C1orf167: variants seen among roughly 807,000 people sequenced by gnomAD.
The protein encoded by C1orf167 is chromosome 1 open reading frame 167, also known as uncharacterized protein C1orf167.
C1orf167 carries 153 observed loss-of-function variants against 176.5 expected under a neutral mutation model. That is an observed-to-expected ratio of 0.87 (90% CI 0.76 to 0.99). C1orf167 has a LOEUF of 0.99. Ranked by LOEUF, C1orf167 falls within the 50% of genes least tolerant of loss-of-function variation. C1orf167 has a pLI of 0.00. For missense variants in C1orf167, 1,490 were observed against 1,817.7 expected, an observed-to-expected ratio of 0.82 and a Z score of 3.28; for synonymous variants, 594 against 752.7, an observed-to-expected ratio of 0.79 and a Z score of 3.45.
intron 1 of C1orf167, among the ~76,000 whole-genome samples, chr1:11,763,442 CAAA>C (rs34701302): frequency 2.4e-4 from 26 of 107,794 alleles, no homozygotes; most frequent in South Asian, 1.6e-3. Flanking sequence ...GACTCCGGCT[CAAA>C]AAAAAAAAAA....
chr1:11,784,272 CCG>C lies in C1orf167; in HGVS notation c.3105_3106del (p.Phe1037CysfsTer60), dbSNP rs1475443285. 6 of 1,303,020 alleles carry C rather than the reference CCG, an allele frequency of 4.6e-6. No homozygotes were observed. Among genetic ancestry groups the C allele is most frequent in the East Asian group, 5.5e-5 (1 of 18,024 alleles). 80.7% of individuals were successfully genotyped at this position (1,303,020 alleles called of 1,614,324 possible). ...GGCCTGAGGAGAAGAGCACTGGGGG[CCG>C]TGTTTGCCACATGGCGGGAAGCCCA... On this transcript the variant is annotated frameshift_variant, in exon 15 of 21. Coordinates refer to ENST00000688073, the MANE Select transcript of C1orf167 (RefSeq NM_001010881.2). LOFTEE classifies it high-confidence loss of function.
At chr1:11,785,009 A>T in intron 15 of C1orf167, 139 bp from the exon 16 acceptor site, 1 of 744,248 alleles carries the variant, frequency 1.3e-6, no homozygotes, top group Non-Finnish European at 1.8e-6. Flanking sequence ...CTCCCTCCAG[A>T]AAAGGGAGTG....
At chr1:11,763,216 A>G (rs10158409) in intron 1 of C1orf167, among the ~76,000 whole-genome samples, 77,977 of 152,072 alleles carry the variant, frequency 0.51, 23,393 homozygotes, top group East Asian at 0.88. Flanking sequence ...GAGGCGGGCC[A>G]ATCACCTGAG....
intron 1 of C1orf167, among the ~76,000 whole-genome samples, chr1:11,763,162 G>A (rs547945194): frequency 6.6e-6 from 1 of 152,324 alleles, no homozygotes; most frequent in South Asian, 2.1e-4. Context: ...TTGCGGGGCT[G>A]GGTGTGGTGG....
At chr1:11,769,457 A>G (rs1208700560) in intron 6 of C1orf167, among the ~76,000 whole-genome samples, 3 of 151,698 alleles carry the variant, frequency 2.0e-5, no homozygotes, top group South Asian at 2.1e-4. Context: ...AGTCCCAGCT[A>G]CTCTAGAGAC....
At chr1:11,789,224 G>A (rs976240166) in intron 20 of C1orf167, 46 bp from the exon 21 acceptor site, 21 of 1,296,646 alleles carry the variant, frequency 1.6e-5, no homozygotes, top group Admixed American at 4.7e-5. Context: ...CACAGACCCC[G>A]GAGAAAGCCC....
Position 11,769,071 on chromosome 1 carries a change from C to T in C1orf167, c.1641C>T (p.Ser547=), listed in dbSNP as rs1450779065. ...GGAGAGCCCAGGGCAAAGGCCTCTC[C>T]TTGGGAAGAAGCACAGTGGTGGACC... ...PSRRAQGKGL[S]LGRSTVVDPA... Residue 547 remains serine (S), a synonymous_variant, in exon 6 of 21, where the codon TCC becomes TCT. Coordinates refer to ENST00000688073, the MANE Select transcript of C1orf167 (RefSeq NM_001010881.2). 1 of 985,794 alleles carries T rather than the reference C, an allele frequency of 1.0e-6. No individual in the cohort carries two copies. The highest frequency in any genetic ancestry group is 1.1e-4 in the East Asian group (1 of 8,810). 61.1% of individuals were successfully genotyped at this position (985,794 alleles called of 1,614,324 possible). A position where few individuals can be genotyped will look rare whatever the true frequency, so the allele number is the denominator to read the frequency against.
At chr1:11,763,840 A>AGGCAGAGCCT (rs1642649791) in intron 1 of C1orf167, among the ~76,000 whole-genome samples, 1 of 152,102 alleles carries the variant, frequency 6.6e-6, no homozygotes, top group Admixed American at 6.6e-5. Flanking sequence ...TGCGTGTGGG[A>AGGCAGAGCCT]GGCAGAGCCT....
chr1:11,764,873 G>C (rs1032604611), intron 2 of C1orf167, among the ~76,000 whole-genome samples: 6 of 152,046 alleles, frequency 3.9e-5, no homozygotes, highest in Non-Finnish European at 7.4e-5. Flanking sequence ...TGGCCAATGT[G>C]GTGAAACTGC....
chr1:11,787,191 G>T (rs1179481382), intron 16 of C1orf167, 197 bp from the exon 17 acceptor site: 1 of 238,658 alleles, frequency 4.2e-6, no homozygotes, highest in Non-Finnish European at 8.7e-6. Flanking sequence ...CCCCTCCCAG[G>T]GCTGTGCTCC....
intron 20 of C1orf167, 169 bp downstream of exon 20, chr1:11,788,915 G>T: frequency 2.2e-6 from 1 of 456,344 alleles, no homozygotes. Context: ...CAGGCTGGAT[G>T]CTGGAGCCCT....
chr1:11,789,094 A>G, intron 20 of C1orf167, 176 bp from the exon 21 acceptor site: 1 of 534,870 alleles, frequency 1.9e-6, no homozygotes, highest in Non-Finnish European at 3.0e-6. Flanking sequence ...CCAGCTCACC[A>G]TCAGATCTAT....
At chr1:11,767,711 A>C (rs972440704) in intron 4 of C1orf167, among the ~76,000 whole-genome samples, 2 of 152,128 alleles carry the variant, frequency 1.3e-5, no homozygotes, top group Non-Finnish European at 2.9e-5. Context: ...CTGTAGTCTC[A>C]GCTACGCAGG....
chr1:11,785,365 C>T (rs1643811527), intron 16 of C1orf167, 76 bp downstream of exon 16: 1 of 1,197,564 alleles, frequency 8.4e-7, no homozygotes. Flanking sequence ...GCTGGACGCC[C>T]CAGCCCCTTG....
In C1orf167 at chr1:11,768,397, T is replaced by A; in HGVS notation, c.1542+122T>A. 1.1e-6 allele frequency: 1 copy of A among 871,338 alleles called. No individual in the cohort carries two copies. The allele number at this position is 871,338 out of a possible 1,614,324, so 54.0% of individuals were successfully genotyped here. ...GTGGCACCTCATGAATGATCAGCAG[T>A]AAAGGGTGTAGTTGTGAGTCCACAC... On this transcript the variant is annotated intron_variant, in intron 5 of 20. Transcript: ENST00000688073. This position sits in a 1 kb window ranked among gnomAD's most constrained non-coding sequence, Gnocchi z 4.5.
chr1:11,776,780 C>T lies in C1orf167; in HGVS notation c.2339+142C>T, dbSNP rs1346255980. On this transcript the variant is annotated intron_variant, in intron 10 of 20. Coordinates refer to ENST00000688073, the MANE Select transcript of C1orf167 (RefSeq NM_001010881.2). The stretch of plus-strand genomic sequence containing the variant: ...CATCCCACTCCTCCCCGTGGCCCTG[C>T]ACAGGGCCTGGCACACTGCGGTGCC... The T allele has an allele frequency of 2.2e-5, 18 of 812,918 alleles. No individual in the cohort carries two copies. In the East Asian group the frequency reaches 9.3e-4, roughly 42 times the overall value. 50.4% of individuals were successfully genotyped at this position (812,918 alleles called of 1,614,324 possible).
At chr1:11,767,841 T>C (rs1216587105) in intron 4 of C1orf167, among the ~76,000 whole-genome samples, 1 of 151,802 alleles carries the variant, frequency 6.6e-6, no homozygotes, top group Non-Finnish European at 1.5e-5. Flanking sequence ...TATATATATA[T>C]AAAAGAAATA....
intron 12 of C1orf167, 95 bp from the exon 13 acceptor site, chr1:11,779,707 C>A: frequency 2.1e-6 from 2 of 973,140 alleles, no homozygotes; most frequent in Admixed American, 2.9e-5. Context: ...GAGCCTCCTG[C>A]TGCTGGGGAG....
chr1:11,787,539 G>C (rs1459868650), intron 17 of C1orf167, 46 bp downstream of exon 17: 2 of 1,224,750 alleles, frequency 1.6e-6, no homozygotes, highest in Non-Finnish European at 2.1e-6. Flanking sequence ...TGAAGTGCAG[G>C]GGTGAAGCGG....
Sources: allele counts gnomAD v4.1 joint callset (sites outside exome capture counted in the v4.1 genomes callset), GRCh38; gene constraint gnomAD v4.1.1; non-coding constraint Gnocchi (gnomAD v3.1); transcripts MANE v1.5; gene names NCBI Gene and HGNC (gene_info 2026-07-23, HGNC 2026-07-21).